AKAP7: variants seen among roughly 807,000 people sequenced by gnomAD.
AKAP7 encodes A kinase (PRKA) anchor protein 7.
In AKAP7, 39 loss-of-function variants were observed where a neutral mutation model predicts 39.5. That is an observed-to-expected ratio of 0.99 (90% confidence interval 0.76 to 1.29). The LOEUF is 1.29. AKAP7 is among the 50% of genes most tolerant of loss of function. AKAP7 has a pLI of 0.00. For synonymous variants in AKAP7, 140 were observed against 139.1 expected, an observed-to-expected ratio of 1.01 and a Z score of -0.05; for missense variants, 414 against 407.7, an observed-to-expected ratio of 1.02 and a Z score of -0.13.
At chr6:131,155,109 A>G (rs149232306) in intron 2 of AKAP7, among the ~76,000 whole-genome samples, 15 of 152,032 alleles carry the variant, frequency 9.9e-5, no homozygotes, top group African/African-American at 3.6e-4. Flanking sequence ...GTAACCTCGA[A>G]CTCCTGGGCT....
At chr6:131,145,477 A>G (rs899029784) in intron 2 of AKAP7, 61 bp downstream of exon 2, 10 of 1,139,964 alleles carry the variant, frequency 8.8e-6, no homozygotes, top group Non-Finnish European at 9.2e-6. Flanking sequence ...TTAGTTATAT[A>G]TATATTTTTT....
At chr6:131,139,611 A>G (rs562767094) in intron 1 of AKAP7, among the ~76,000 whole-genome samples, 8 of 149,386 alleles carry the variant, frequency 5.4e-5, no homozygotes, top group South Asian at 2.1e-4. Context: ...CATTGTAGCT[A>G]TCTACACTAG....
intron 5 of AKAP7, among the ~76,000 whole-genome samples, chr6:131,188,619 C>T (rs748101525): frequency 6.6e-5 from 10 of 152,126 alleles, no homozygotes; most frequent in Non-Finnish European, 1.3e-4. Context: ...CTCACTGCAG[C>T]CTTGACCTCC....
At chr6:131,146,109 C>G (rs1303448410) in intron 2 of AKAP7, among the ~76,000 whole-genome samples, 1 of 152,134 alleles carries the variant, frequency 6.6e-6, no homozygotes, top group Non-Finnish European at 1.5e-5. Flanking sequence ...AAGCACTTTG[C>G]TAGGCATTGA....
At chr6:131,141,667 C>G (rs1167123067) in intron 1 of AKAP7, among the ~76,000 whole-genome samples, 1 of 152,152 alleles carries the variant, frequency 6.6e-6, no homozygotes, top group Non-Finnish European at 1.5e-5. Flanking sequence ...TTCTTAAAGA[C>G]TGGTTAAGTG....
In AKAP7 at chr6:131,281,763, C is replaced by G; in HGVS notation, c.*37C>G. 6.5e-7 allele frequency: 1 copy of G among 1,536,266 alleles called. No individual in the cohort carries two copies. The highest frequency in any genetic ancestry group is 8.8e-7 in the Non-Finnish European group (1 of 1,142,606). On this transcript the variant is annotated 3_prime_UTR_variant, in exon 8 of 8. Transcript: ENST00000431975. The surrounding 1 kb of genome is among the most constrained non-coding windows in gnomAD (Gnocchi z 4.0). ...AGGCCCCCATGTCTCTGTGCAAAGC[C>G]TCCCTGCTTCCCTCTGCTGAGTCTA... is the stretch of plus-strand genomic sequence containing the variant.
At chr6:131,148,476 C>T (rs919325902) in intron 2 of AKAP7, among the ~76,000 whole-genome samples, 14 of 152,048 alleles carry the variant, frequency 9.2e-5, no homozygotes, top group South Asian at 2.1e-4. Context: ...AAAATTCCCC[C>T]CCCCGTTTAT....
chr6:131,126,474 C>CA, the AKAP7 span, among the ~76,000 whole-genome samples: 1 of 152,162 alleles, frequency 6.6e-6, no homozygotes, highest in East Asian at 1.9e-4. Context: ...AAAAGGCCTT[C>CA]AAACCTCCAA....
In AKAP7 at chr6:131,232,115, A is replaced by C. The variant is rs17573611; in HGVS notation, c.850+12307A>C. The stretch of plus-strand genomic sequence containing the variant: ...GTGGCTCAGGCTATTTTGAAAATCC[A>C]ACCGTCTGTTGGTTTCAAACCTTAT... On this transcript the variant is annotated intron_variant, in intron 7 of 7. Transcript: ENST00000431975. Among the ~76,000 whole-genome samples, 776 of 152,256 alleles carry C rather than the reference A, an allele frequency of 5.1e-3. 4 individuals are homozygous for C. The highest frequency in any genetic ancestry group is 7.6e-3 in the Non-Finnish European group (519 of 68,006).
At chr6:131,256,629 G>A (rs11751691) in intron 7 of AKAP7, among the ~76,000 whole-genome samples, 9,330 of 146,338 alleles carry the variant, frequency 0.064, 416 homozygotes, top group Middle Eastern at 0.12. Flanking sequence ...GGCCATGAAA[G>A]AAGCAGCAGG....
intron 5 of AKAP7, among the ~76,000 whole-genome samples, chr6:131,198,255 C>T (rs1807155154): frequency 6.6e-6 from 1 of 152,098 alleles, no homozygotes; most frequent in Non-Finnish European, 1.5e-5. Context: ...ATTTTGATGT[C>T]CTATCTACTA....
intron 7 of AKAP7, chr6:131,253,066 C>T (rs1251392568): frequency 1.2e-6 from 2 of 1,613,616 alleles, no homozygotes; most frequent in Middle Eastern, 1.7e-4. Flanking sequence ...CTCTGCAGTC[C>T]TACAGAGATA....
chr6:131,201,189 C>T (rs934415065), intron 6 of AKAP7, among the ~76,000 whole-genome samples: 4 of 152,126 alleles, frequency 2.6e-5, no homozygotes, highest in East Asian at 1.9e-4. Context: ...CTCATTCTGT[C>T]TCACATTCTT....
At chr6:131,157,426 A>G (rs1584968563) in intron 2 of AKAP7, among the ~76,000 whole-genome samples, 1 of 152,204 alleles carries the variant, frequency 6.6e-6, no homozygotes, top group East Asian at 1.9e-4. Context: ...ATTTATTAAC[A>G]GTAGGTGGTG....
intron 7 of AKAP7, among the ~76,000 whole-genome samples, chr6:131,239,358 A>G (rs11961577): frequency 0.29 from 43,537 of 151,916 alleles, 6,733 homozygotes; most frequent in Middle Eastern, 0.39. Context: ...CTTCATTTCA[A>G]CTTTGGTGAA....
chr6:131,208,502 G>T (rs1808336606), intron 6 of AKAP7, among the ~76,000 whole-genome samples: 1 of 152,200 alleles, frequency 6.6e-6, no homozygotes, highest in African/African-American at 2.4e-5. Context: ...GAAATGACTG[G>T]TGAACCTAAT....
At chr6:131,253,166 G>A (rs1812579423) in intron 7 of AKAP7, 14 of 1,449,984 alleles carry the variant, frequency 9.7e-6, no homozygotes, top group Middle Eastern at 1.7e-4. Context: ...TTGCCGTTTG[G>A]TGGTGGTGGT....
rs140455833 is a variant in AKAP7, at chr6:131,184,834, C to T, written c.590-14627C>T. On this transcript the variant is annotated intron_variant, in intron 5 of 7. Transcript: ENST00000431975. ...GGCATAGTGGTAACTGAGGCCTGGT[C>T]GGTTCTTGTAACGTTTTCCACAAAT... 4.7e-5 allele frequency: 69 copies of T among 1,474,528 alleles called. No individual in the cohort carries two copies. In the African/African-American group the frequency reaches 6.9e-4, roughly 15 times the overall value. The allele number at this position is 1,474,528 out of a possible 1,614,324, so 91.3% of individuals were successfully genotyped here.
At position 131,282,638 on chromosome 6, in the gene AKAP7, G is replaced by A; in HGVS notation, c.*912G>A. The A allele has an allele frequency of 1.3e-6, 2 of 1,498,424 alleles. No individual in the cohort carries two copies. The highest frequency in any genetic ancestry group is 9.0e-7 in the Non-Finnish European group (1 of 1,116,334). 92.8% of individuals were successfully genotyped at this position (1,498,424 alleles called of 1,614,324 possible). On this transcript the variant is annotated 3_prime_UTR_variant, in exon 8 of 8. Coordinates refer to ENST00000431975, the MANE Select transcript of AKAP7 (RefSeq NM_016377.4). Reference sequence around the variant, plus strand: ...TTGCGATTGTGACAACATAGCTTATGAAATCTTTTCAGCTTATTAAGTAGC... The same window carrying A: ...TTGCGATTGTGACAACATAGCTTATAAAATCTTTTCAGCTTATTAAGTAGC...
Sources: allele counts gnomAD v4.1 joint callset (sites outside exome capture counted in the v4.1 genomes callset), GRCh38; gene constraint gnomAD v4.1.1; non-coding constraint Gnocchi (gnomAD v3.1); transcripts MANE v1.5; gene names NCBI Gene and HGNC (gene_info 2026-07-23, HGNC 2026-07-21).